LARGE1: variants seen among roughly 807,000 people sequenced by gnomAD.
The protein encoded by LARGE1 is LARGE xylosyl- and glucuronyltransferase 1.
In LARGE1, 43 loss-of-function variants were observed where a neutral mutation model predicts 87.6. The ratio of observed to expected loss-of-function variants is 0.49; its 90% CI spans 0.38 to 0.63. LARGE1 has a LOEUF of 0.63. Ranked by LOEUF, LARGE1 falls within the 30% of genes least tolerant of loss-of-function variation. The pLI, the probability that LARGE1 is intolerant of heterozygous loss-of-function variation, is 0.00. For missense variants in LARGE1, 802 were observed against 1,000.2 expected (o/e 0.80, Z 2.67); for synonymous variants, 434 against 394.6 (o/e 1.10, Z -1.18).
chr22:33,768,841 T>C (rs960481984), intron 1 of LARGE1, among the ~76,000 whole-genome samples: 2 of 152,178 alleles, frequency 1.3e-5, no homozygotes, highest in African/African-American at 4.8e-5. Flanking sequence ...CAGCTGATCT[T>C]TTCAGATATG....
chr22:33,169,980 T>C (rs1232233798), intron 11 of LARGE1, among the ~76,000 whole-genome samples: 5 of 152,120 alleles, frequency 3.3e-5, no homozygotes, highest in Admixed American at 6.5e-5. Flanking sequence ...GGTCCAAATA[T>C]TTGTGTCCCC....
intron 5 of LARGE1, among the ~76,000 whole-genome samples, chr22:33,570,495 A>T (rs1326643142): frequency 6.6e-6 from 1 of 151,896 alleles, no homozygotes; most frequent in Admixed American, 6.6e-5. Flanking sequence ...TAAAAATACA[A>T]AAATTAGTTG....
chr22:33,145,561 G>A, the LARGE1 span, among the ~76,000 whole-genome samples: 9,352 of 152,302 alleles, frequency 0.061, 298 homozygotes, highest in Middle Eastern at 0.13. Context: ...ACACAGCTGA[G>A]AAATGGGATA....
intron 2 of LARGE1, among the ~76,000 whole-genome samples, chr22:33,660,196 A>G (rs1207946424): frequency 6.7e-6 from 1 of 149,696 alleles, no homozygotes; most frequent in Non-Finnish European, 1.5e-5. Context: ...TCCTGCTTCT[A>G]TAACTGGCCC....
intron 1 of LARGE1, among the ~76,000 whole-genome samples, chr22:33,813,281 C>T (rs964339672): frequency 6.6e-6 from 1 of 151,538 alleles, no homozygotes; most frequent in Admixed American, 6.6e-5. Context: ...ATTAGTGCCA[C>T]TCTAAGAATC....
chr22:33,844,079 CA>C (rs34588361), intron 1 of LARGE1, among the ~76,000 whole-genome samples: 53,817 of 122,656 alleles, frequency 0.44, 10,292 homozygotes, highest in Middle Eastern at 0.58. Context: ...AACTCCGTCT[CA>C]AAAAAAAAAA....
At chr22:33,545,419 A>AACACACACACACACACACACAC (rs55754949) in intron 6 of LARGE1, among the ~76,000 whole-genome samples, 29 of 144,022 alleles carry the variant, frequency 2.0e-4, no homozygotes, top group African/African-American at 6.3e-4. Context: ...ACACCCAGCT[A>AACACACACACACACACACACAC]ACACACACAC....
intron 3 of LARGE1, among the ~76,000 whole-genome samples, chr22:33,650,043 T>A (rs530660367): frequency 2.6e-5 from 4 of 152,292 alleles, no homozygotes; most frequent in Admixed American, 2.0e-4. Flanking sequence ...GCCTACAGGA[T>A]GACAGCTAGG....
intron 1 of LARGE1, among the ~76,000 whole-genome samples, chr22:33,789,318 C>G (rs1175431849): frequency 6.6e-6 from 1 of 152,168 alleles, no homozygotes; most frequent in Non-Finnish European, 1.5e-5. Context: ...TTTGGGAACC[C>G]CTGCCTGGAT....
intron 2 of LARGE1, among the ~76,000 whole-genome samples, chr22:33,738,738 G>C (rs1246272729): frequency 6.6e-6 from 1 of 151,970 alleles, no homozygotes; most frequent in African/African-American, 2.4e-5. Flanking sequence ...CCAGCTACTT[G>C]GGAGGCTGAG....
intron 1 of LARGE1, among the ~76,000 whole-genome samples, chr22:33,785,986 T>C (rs1008165077): frequency 3.3e-5 from 5 of 152,186 alleles, no homozygotes; most frequent in Admixed American, 6.5e-5. Flanking sequence ...CTGTTTAAAA[T>C]GCACAGTACC....
chr22:33,232,563 T>C (rs1042951570), intron 11 of LARGE1, among the ~76,000 whole-genome samples: 6 of 152,182 alleles, frequency 3.9e-5, no homozygotes, highest in South Asian at 2.1e-4. Context: ...AAAATAAGTA[T>C]TTTCTTCCTT....
intron 11 of LARGE1, among the ~76,000 whole-genome samples, chr22:33,258,130 C>T (rs189182010): frequency 8.8e-4 from 134 of 152,160 alleles, no homozygotes; most frequent in Non-Finnish European, 1.2e-3. Context: ...CCAGGTTCAC[C>T]GCGATTCTCC....
chr22:33,478,243 A>C (rs1197344374), intron 6 of LARGE1, among the ~76,000 whole-genome samples: 10 of 152,300 alleles, frequency 6.6e-5, no homozygotes. Flanking sequence ...TCCACTGGAC[A>C]CCAGTGCCCT....
downstream of LARGE1, among the ~76,000 whole-genome samples, chr22:33,271,062 T>C (rs1348101652): frequency 6.6e-6 from 1 of 152,220 alleles, no homozygotes; most frequent in African/African-American, 2.4e-5. Context: ...CCCAGGTCTA[T>C]TTCAAATTAA....
chr22:33,895,876 G>A (rs2065131186), intron 1 of LARGE1, among the ~76,000 whole-genome samples: 1 of 152,190 alleles, frequency 6.6e-6, no homozygotes, highest in Admixed American at 6.5e-5. Flanking sequence ...AGGATCATGA[G>A]GGCCAACTTA....
At chr22:33,891,667 C>T (rs1804929442) in intron 1 of LARGE1, among the ~76,000 whole-genome samples, 1 of 152,190 alleles carries the variant, frequency 6.6e-6, no homozygotes. Flanking sequence ...AAACACATCC[C>T]TGGCACACAG....
At chr22:33,536,304 A>G (rs957156405) in intron 6 of LARGE1, among the ~76,000 whole-genome samples, 2 of 152,250 alleles carry the variant, frequency 1.3e-5, no homozygotes, top group Non-Finnish European at 2.9e-5. Context: ...ATCTCTCATG[A>G]AGATTACTGT....
chr22:33,621,182 T>C (rs752718496), intron 4 of LARGE1, among the ~76,000 whole-genome samples: 1 of 152,202 alleles, frequency 6.6e-6, no homozygotes, highest in Non-Finnish European at 1.5e-5. Flanking sequence ...AAGAGAATGT[T>C]CCATTATTTA....
Sources: gnomAD v4.1 joint callset for allele counts (sites outside exome capture counted in the v4.1 genomes callset) on GRCh38, gnomAD v4.1.1 for gene constraint, MANE v1.5 for transcripts, NCBI Gene and HGNC (gene_info 2026-07-23, HGNC 2026-07-21) for gene names.